The following MINK1 variants were observed in gnomAD, a reference collection of about 807,000 sequenced individuals.
MINK1 encodes misshapen like kinase 1, also known as misshapen-like kinase 1.
In MINK1, 46 loss-of-function variants were observed where a neutral mutation model predicts 178.4. That is an observed-to-expected ratio of 0.26 (90% CI 0.20 to 0.33). The LOEUF is 0.33. Ranked by LOEUF, MINK1 falls within the 10% of genes least tolerant of loss-of-function variation. The pLI, the probability that MINK1 is intolerant of heterozygous loss-of-function variation, is 1.00. For synonymous variants in MINK1, 797 were observed against 709.7 expected, an observed-to-expected ratio of 1.12 and a Z score of -1.96; for missense variants, 1,366 against 1,814.9, an observed-to-expected ratio of 0.75 and a Z score of 4.49.
rs3081308 is a variant in MINK1, at chr17:4,891,200, G to GCA, written c.1740+100_1740+101dup. On this transcript the variant is annotated intron_variant, in intron 15 of 31. Transcript: ENST00000355280. Reference sequence around the variant, plus strand: ...AGAGCACAGGTACACACACACGCGCGCACACACACACACACACACACACAC... The same window carrying GCA: ...AGAGCACAGGTACACACACACGCGCGCACACACACACACACACACACACACAC... 2.5e-3 allele frequency: 2,462 copies of GCA among 1,001,364 alleles called. 6 individuals are homozygous for GCA. Among genetic ancestry groups the GCA allele is most frequent in the African/African-American group, 0.016 (947 of 57,884 alleles). The allele number at this position is 1,001,364 out of a possible 1,614,324, so 62.0% of individuals were successfully genotyped here.
chr17:4,842,447 G>A (rs1034282226), intron 1 of MINK1, among the ~76,000 whole-genome samples: 8 of 152,192 alleles, frequency 5.3e-5, no homozygotes, highest in Non-Finnish European at 1.0e-4. Context: ...AGTCCCCTGT[G>A]TACTTCTTTC....
At chr17:4,850,102 T>G (rs1048206157) in intron 1 of MINK1, among the ~76,000 whole-genome samples, 1 of 152,196 alleles carries the variant, frequency 6.6e-6, no homozygotes, top group African/African-American at 2.4e-5. Context: ...AATTATGTCT[T>G]TAATGTCTGC....
At chr17:4,891,293 C>T (rs575271526) in intron 15 of MINK1, among the ~76,000 whole-genome samples, 163 bp from the exon 16 acceptor site, 1 of 152,322 alleles carries the variant, frequency 6.6e-6, no homozygotes, top group Admixed American at 6.5e-5. Context: ...CTGCTTCTTG[C>T]TGCCTGTGTC....
At chr17:4,890,919 G>T (rs758149430) in intron 14 of MINK1, 32 bp from the exon 15 acceptor site, 3 of 1,551,578 alleles carry the variant, frequency 1.9e-6, no homozygotes, top group Non-Finnish European at 2.6e-6. Flanking sequence ...GGAGGCAAGA[G>T]CTGGCCTGCT....
intron 1 of MINK1, among the ~76,000 whole-genome samples, chr17:4,863,187 G>A (rs1914444777): frequency 6.6e-6 from 1 of 152,178 alleles, no homozygotes; most frequent in African/African-American, 2.4e-5. Flanking sequence ...TGGGTTAATG[G>A]TAACAGCGGG....
chr17:4,895,546 T>C lies in MINK1; in HGVS notation c.3229+53T>C, dbSNP rs1343727276. Reference sequence around the variant, plus strand: ...GGAGGGGCTCAGCTCCTTGGCGCTGTCACCATCTTCTGCCTGGGAGGAGGG... The same window carrying C: ...GGAGGGGCTCAGCTCCTTGGCGCTGCCACCATCTTCTGCCTGGGAGGAGGG... On this transcript the variant is annotated intron_variant, in intron 26 of 31. Transcript: ENST00000355280. This position sits in a 1 kb window ranked among gnomAD's most constrained non-coding sequence, Gnocchi z 4.3. 27 of 1,552,276 alleles carry C rather than the reference T, an allele frequency of 1.7e-5. No individual in the cohort carries two copies. Among genetic ancestry groups the C allele is most frequent in the Non-Finnish European group, 2.2e-5 (25 of 1,145,692 alleles).
chr17:4,896,411 C>T lies in MINK1; in HGVS notation c.3616-18C>T. On this transcript the variant is annotated intron_variant, in intron 29 of 31. Coordinates refer to ENST00000355280, the MANE Select transcript of MINK1 (RefSeq NM_153827.5). This position sits in a 1 kb window ranked among gnomAD's most constrained non-coding sequence, Gnocchi z 4.6. ...GGGCACCAGACACGGAGACTCTAGT[C>T]CCCCTCCTTCTCCCCAGATCCAGAG... The T allele has an allele frequency of 1.2e-6, 2 of 1,612,964 alleles. No individual in the cohort carries two copies. Among genetic ancestry groups the T allele is most frequent in the Non-Finnish European group, 1.7e-6 (2 of 1,179,330 alleles).
chr17:4,886,358 C>A lies in MINK1; in HGVS notation c.774-93C>A. ...TGGGATATGAAGACAGGAGGGACGT[C>A]AAGGTGGCTTGTGGATGAATGATCC... On this transcript the variant is annotated intron_variant, in intron 9 of 31. Coordinates refer to ENST00000355280, the MANE Select transcript of MINK1 (RefSeq NM_153827.5). This position sits in a 1 kb window ranked among gnomAD's most constrained non-coding sequence, Gnocchi z 6.1. The A allele has an allele frequency of 6.6e-7, 1 of 1,516,110 alleles. No individual in the cohort carries two copies. Among genetic ancestry groups the A allele is most frequent in the South Asian group, 1.2e-5 (1 of 83,276 alleles). The allele number at this position is 1,516,110 out of a possible 1,614,324, so 93.9% of individuals were successfully genotyped here. A position where few individuals can be genotyped will look rare whatever the true frequency, so the allele number is the denominator to read the frequency against.
At chr17:4,890,006 C>G (rs193168802) in intron 13 of MINK1, 2 of 559,928 alleles carry the variant, frequency 3.6e-6, no homozygotes, top group Non-Finnish European at 3.2e-6. Flanking sequence ...CCTTCCTCAT[C>G]CCCCCTCATT....
intron 16 of MINK1, 125 bp downstream of exon 16, chr17:4,891,841 T>G: frequency 7.4e-7 from 1 of 1,346,942 alleles, no homozygotes; most frequent in Non-Finnish European, 9.9e-7. Context: ...GCCAGGGCGC[T>G]GCCCTGCCGG....
rs1969651124 is a variant in MINK1, at chr17:4,897,320, A to C, written c.*33A>C. ...CTGGGCTGGGGCTGTCCCACACTGG[A>C]CCCAGCTCTCCCCCTGCAGCCAGGC... On this transcript the variant is annotated 3_prime_UTR_variant, in exon 32 of 32. Coordinates refer to ENST00000355280, the MANE Select transcript of MINK1 (RefSeq NM_153827.5). 1 of 1,594,590 alleles carries C rather than the reference A, an allele frequency of 6.3e-7. No homozygotes were observed. Among genetic ancestry groups the C allele is most frequent in the Non-Finnish European group, 8.6e-7 (1 of 1,163,734 alleles).
Position 4,884,440 on chromosome 17 carries a change from C to G in MINK1, c.384C>G (p.Asp128Glu). The G allele has an allele frequency of 6.2e-7, 1 of 1,613,878 alleles. No homozygotes were observed. The highest frequency in any genetic ancestry group is 1.1e-5 in the South Asian group (1 of 91,076). ...CAAAAGGCAACGCCCTGAAGGAGGACTGTATCGCCTATATCTGCAGGGAGA... is the reference window on the plus strand; with the variant it reads ...CAAAAGGCAACGCCCTGAAGGAGGAGTGTATCGCCTATATCTGCAGGGAGA... ...KNTKGNALKE[D>E]CIAYICREIL... The change falls in exon 5 of 32, where the codon GAC (aspartate) becomes GAG (glutamate). Residue 128 changes from aspartate (D) to glutamate (E), a missense_variant. This residue lies in a region of MINK1 where 109 missense variants were observed against 369.4 expected (regional missense o/e 0.30). Coordinates refer to ENST00000355280, the MANE Select transcript of MINK1 (RefSeq NM_153827.5).
At chr17:4,849,918 C>T (rs1239060322) in intron 1 of MINK1, among the ~76,000 whole-genome samples, 1 of 152,046 alleles carries the variant, frequency 6.6e-6, no homozygotes, top group Non-Finnish European at 1.5e-5. Flanking sequence ...TTCCTGGCTC[C>T]CTTCCCATCT....
chr17:4,897,181 A>ACTT, intron 31 of MINK1, 23 bp from the exon 32 acceptor site: 9 of 1,607,506 alleles, frequency 5.6e-6, no homozygotes, highest in Non-Finnish European at 7.7e-6. Context: ...GCCCTTGGTG[A>ACTT]CTTCTTCTCC....
chr17:4,859,195 C>T, intron 1 of MINK1: 1 of 985,450 alleles, frequency 1.0e-6, no homozygotes, highest in Non-Finnish European at 1.2e-6. Flanking sequence ...TTCCCAAGGA[C>T]TTCCATCCCT....
At chr17:4,876,738 C>T (rs1020342572) in intron 1 of MINK1, among the ~76,000 whole-genome samples, 8 of 152,116 alleles carry the variant, frequency 5.3e-5, no homozygotes, top group South Asian at 4.1e-4. Flanking sequence ...TGCCTCCGCT[C>T]GGTCCCTGCA....
chr17:4,890,243 G>C (rs1356361777), intron 13 of MINK1: 1 of 1,222,294 alleles, frequency 8.2e-7, no homozygotes, highest in Non-Finnish European at 1.0e-6. Flanking sequence ...TCACAGGCTA[G>C]AGGAGGAGCA....
rs191139431 is a variant in MINK1 at position 4,882,548 on chromosome 17, A to C, written c.306+1291A>C. Among the ~76,000 whole-genome samples the C allele has an allele frequency of 1.8e-4, 27 of 152,284 alleles. No individual in the cohort carries two copies. The East Asian group carries it at 5.0e-3, about 28-fold the overall frequency. On this transcript the variant is annotated intron_variant, in intron 4 of 31. Transcript: ENST00000355280. The stretch of plus-strand genomic sequence containing the variant: ...ATGTCTCTAGCAGACCTAGAGAATC[A>C]CTATTTCTTAGCCCCCTTTCTGCTT...
intron 1 of MINK1, among the ~76,000 whole-genome samples, chr17:4,874,696 CT>C (rs1220826888): frequency 6.6e-6 from 1 of 152,036 alleles, no homozygotes; most frequent in Non-Finnish European, 1.5e-5. Context: ...CATGGAGCAT[CT>C]GGGTGGGGAG....
Sources: allele counts gnomAD v4.1 joint callset (sites outside exome capture counted in the v4.1 genomes callset), GRCh38; gene constraint gnomAD v4.1.1; regional missense constraint gnomAD v4.1.1; non-coding constraint Gnocchi (gnomAD v3.1); transcripts MANE v1.5; gene names NCBI Gene and HGNC (gene_info 2026-07-23, HGNC 2026-07-21).